Variants in CCDC136 observed in about 807,000 individuals in gnomAD.
CCDC136 encodes coiled-coil domain containing 136, also known as coiled-coil domain-containing protein 136.
Under a neutral mutation model 141.2 loss-of-function variants are expected in CCDC136, and 100 were observed. That is an observed-to-expected ratio of 0.71 (90% CI 0.60 to 0.84). CCDC136 has a LOEUF of 0.84. Ranked by LOEUF, CCDC136 falls within the 40% of genes least tolerant of loss-of-function variation. CCDC136 has a pLI of 0.00. For missense variants in CCDC136, 1,206 were observed against 1,379.4 expected (o/e 0.87, Z 1.99); for synonymous variants, 474 against 531.9 (o/e 0.89, Z 1.50).
intron 17 of CCDC136, among the ~76,000 whole-genome samples, chr7:128,818,735 G>T (rs1807021584): frequency 6.6e-6 from 1 of 152,166 alleles, no homozygotes; most frequent in Non-Finnish European, 1.5e-5. Flanking sequence ...CTGTCAACAG[G>T]ATACCAAATT....
Position 128,805,612 on chromosome 7 carries a change from A to G in CCDC136, c.948+88A>G. 6.6e-7 allele frequency: 1 copy of G among 1,512,656 alleles called. No individual in the cohort carries two copies. Among genetic ancestry groups the G allele is most frequent in the Non-Finnish European group, 9.0e-7 (1 of 1,108,248 alleles). 93.7% of individuals were successfully genotyped at this position (1,512,656 alleles called of 1,614,324 possible). On this transcript the variant is annotated intron_variant, in intron 6 of 17. Transcript: ENST00000297788. The surrounding 1 kb of genome is among the most constrained non-coding windows in gnomAD (Gnocchi z 4.6). ...CTGTGGTAGAAACATCTCCATAGGC[A>G]TCCACTGTGGAGGGAGATAGTACTC...
rs1266095716 is a variant in CCDC136, at chr7:128,812,927, GAGGTAACCACTGTC to G, written c.2763+2_2763+15del. 1.9e-6 allele frequency: 3 copies of G among 1,601,268 alleles called. No homozygotes were observed. In the African/African-American group the frequency reaches 4.0e-5, roughly 21 times the overall value. On this transcript the variant is annotated splice_donor_variant and splice_donor_5th_base_variant and coding_sequence_variant and intron_variant, in exon 14 of 18. Transcript: ENST00000297788. LOFTEE classifies it high-confidence loss of function. The stretch of plus-strand genomic sequence containing the variant: ...CATGGCCCCCCAGAACGACAAGAAT[GAGGTAACCACTGTC>G]AGGGAGGCAGGGTTTCCTCTGGCAG...
At chr7:128,808,728 C>T (rs1805244494) in intron 10 of CCDC136, 1 of 985,408 alleles carries the variant, frequency 1.0e-6, no homozygotes, top group South Asian at 4.7e-5. Flanking sequence ...GCTCACGTTT[C>T]CTCCTTTTTC....
In CCDC136 at chr7:128,808,337, A is replaced by G. The variant is rs73457545; in HGVS notation, c.1605+792A>G. ...CAGGCATGAGCCGCCATGCCCTGCC[A>G]GTAATTAAATTGTGGAAGGTTGAAT... On this transcript the variant is annotated intron_variant, in intron 10 of 17. Transcript: ENST00000297788. 6.2e-3 allele frequency: 2,422 copies of G among 393,694 alleles called. 71 individuals carry two copies. Among genetic ancestry groups the G allele is most frequent in the African/African-American group, 0.05 (2,283 of 45,890 alleles). 24.4% of individuals were successfully genotyped at this position (393,694 alleles called of 1,614,324 possible).
In CCDC136 at chr7:128,814,513, T is replaced by C. The variant is rs945653123; in HGVS notation, c.2764-125T>C. On this transcript the variant is annotated intron_variant, in intron 14 of 17. Coordinates refer to ENST00000297788, the MANE Select transcript of CCDC136 (RefSeq NM_022742.5). ...AATATTTTCTTTATTGTCTACTTCCTATGGGCTTTAACAGGGAGATTTCTG... is the reference window on the plus strand; with the variant it reads ...AATATTTTCTTTATTGTCTACTTCCCATGGGCTTTAACAGGGAGATTTCTG... The C allele has an allele frequency of 1.9e-5, 12 of 640,008 alleles. No homozygotes were observed. In the African/African-American group the frequency reaches 2.0e-4, roughly 11 times the overall value. 39.6% of individuals were successfully genotyped at this position (640,008 alleles called of 1,614,324 possible). A position where few individuals can be genotyped will look rare whatever the true frequency, so the allele number is the denominator to read the frequency against.
At chr7:128,792,877 T>C (rs1802394741) in intron 1 of CCDC136, among the ~76,000 whole-genome samples, 1 of 152,240 alleles carries the variant, frequency 6.6e-6, no homozygotes, top group African/African-American at 2.4e-5. Flanking sequence ...GGATACCTTA[T>C]TGCCTGAAAG....
intron 4 of CCDC136, among the ~76,000 whole-genome samples, chr7:128,803,518 G>A (rs977682807): frequency 2.6e-5 from 4 of 152,248 alleles, no homozygotes; most frequent in East Asian, 1.9e-4. Context: ...CAGGCTTGGT[G>A]GTGTGTGCCT....
At chr7:128,820,626 T>A (rs917555006) in intron 17 of CCDC136, among the ~76,000 whole-genome samples, 1 of 152,186 alleles carries the variant, frequency 6.6e-6, no homozygotes, top group African/African-American at 2.4e-5. Flanking sequence ...AGAGACAGGG[T>A]CTCGCTCTGT....
chr7:128,797,083 A>AATTC (rs963073448), intron 3 of CCDC136, among the ~76,000 whole-genome samples: 2 of 152,138 alleles, frequency 1.3e-5, no homozygotes, highest in African/African-American at 4.8e-5. Context: ...TTTGCTAATG[A>AATTC]ATTCGATCAG....
rs571548528 is a variant in CCDC136 at position 128,821,291 on chromosome 7, A to G, written c.*6-508A>G. On this transcript the variant is annotated intron_variant, in intron 17 of 17. Coordinates refer to ENST00000297788, the MANE Select transcript of CCDC136 (RefSeq NM_022742.5). This position sits in a 1 kb window ranked among gnomAD's most constrained non-coding sequence, Gnocchi z 5.1. ...CCTTGAACCAATGTCATTCTCTGTC[A>G]AAGTTTGTCTGCCTAAGAACCTCCT... 6.6e-6 allele frequency among the ~76,000 whole-genome samples: 1 copy of G among 152,290 alleles called. No homozygotes were observed. The highest frequency in any genetic ancestry group is 2.1e-4 in the South Asian group (1 of 4,824).
chr7:128,806,963 A>G, intron 9 of CCDC136, 105 bp downstream of exon 9: 1 of 1,219,626 alleles, frequency 8.2e-7, no homozygotes, highest in Non-Finnish European at 1.1e-6. Flanking sequence ...AGGAGCTGGC[A>G]GTGAGGGGGC....
At chr7:128,795,502 C>G (rs891551215) in intron 3 of CCDC136, among the ~76,000 whole-genome samples, 5 of 151,886 alleles carry the variant, frequency 3.3e-5, no homozygotes, top group South Asian at 4.2e-4. Context: ...AAAGGAAGGC[C>G]AGGAAGCAGG....
In CCDC136 at chr7:128,805,976, G is replaced by A. The variant is rs1443548451; in HGVS notation, c.1089+75G>A. 1.6e-5 allele frequency: 24 copies of A among 1,546,868 alleles called. No homozygotes were observed. The highest frequency in any genetic ancestry group is 1.7e-5 in the Non-Finnish European group (19 of 1,126,458). On this transcript the variant is annotated intron_variant, in intron 7 of 17. Coordinates refer to ENST00000297788, the MANE Select transcript of CCDC136 (RefSeq NM_022742.5). This position sits in a 1 kb window ranked among gnomAD's most constrained non-coding sequence, Gnocchi z 4.6. Reference sequence around the variant, plus strand: ...GGAGGGGCTGCTTCAACCGGGGTGGGCACAGTGAGTATGGCTGTGCTCTGC... The same window carrying A: ...GGAGGGGCTGCTTCAACCGGGGTGGACACAGTGAGTATGGCTGTGCTCTGC...
chr7:128,812,101 C>T lies in CCDC136; in HGVS notation c.2330C>T (p.Thr777Ile). The T allele has an allele frequency of 1.9e-6, 3 of 1,613,992 alleles. No homozygotes were observed. The highest frequency in any genetic ancestry group is 2.5e-6 in the Non-Finnish European group (3 of 1,179,852). The change falls in exon 13 of 18, where the codon ACC becomes ATC. Residue 777 changes from threonine (T) to isoleucine (I), a missense_variant. By Grantham distance (89) the Thr-to-Ile change is moderately conservative. Coordinates refer to ENST00000297788, the MANE Select transcript of CCDC136 (RefSeq NM_022742.5). ...DDNESYYKSY[T>I]STQTSSKSFL... is the part of the protein sequence containing the mutation. ...AATGAGAGCTATTACAAGAGTTACA[C>T]CAGCACCCAGACCAGCAGCAAGAGC...
At chr7:128,816,294 G>A (rs2128924165) in intron 16 of CCDC136, among the ~76,000 whole-genome samples, 1 of 152,378 alleles carries the variant, frequency 6.6e-6, no homozygotes, top group Middle Eastern at 3.4e-3. Context: ...ACAGTGTGAA[G>A]TCTACTTCAG....
intron 11 of CCDC136, 69 bp from the exon 12 acceptor site, chr7:128,810,070 C>A: frequency 1.1e-6 from 1 of 929,996 alleles, no homozygotes; most frequent in East Asian, 2.6e-5. Flanking sequence ...GGATGAGGCA[C>A]CAAGGAGGCA....
chr7:128,797,247 G>A (rs139578564), intron 3 of CCDC136, among the ~76,000 whole-genome samples: 7 of 152,348 alleles, frequency 4.6e-5, no homozygotes, highest in Non-Finnish European at 8.8e-5. Flanking sequence ...TGAAGTAACT[G>A]TGGACATCCA....
Position 128,794,605 on chromosome 7 carries a change from G to A in CCDC136, c.271+3G>A. 3.9e-6 allele frequency: 6 copies of A among 1,545,496 alleles called. No homozygotes were observed. The highest frequency in any genetic ancestry group is 5.2e-6 in the Non-Finnish European group (6 of 1,143,682). ...GGATGACTCCTTGGAGCTACAGGGT[G>A]AGTGCCTGGGCCAGGGCCCAGTGCC... On this transcript the variant is annotated splice_donor_region_variant and intron_variant, in intron 2 of 17. Transcript: ENST00000297788. This position sits in a 1 kb window ranked among gnomAD's most constrained non-coding sequence, Gnocchi z 4.3.
Position 128,817,730 on chromosome 7 carries a change from G to T in CCDC136, c.3364-28G>T. On this transcript the variant is annotated intron_variant, in intron 16 of 17. Transcript: ENST00000297788. The surrounding 1 kb of genome is among the most constrained non-coding windows in gnomAD (Gnocchi z 4.6). ...CTCACATCTCCTGGTCTCTCCTCGT[G>T]CTTCTTTCTCATTTTGGTGTGTTGC... 6.8e-7 allele frequency: 1 copy of T among 1,476,884 alleles called. No homozygotes were observed. Among genetic ancestry groups the T allele is most frequent in the Non-Finnish European group, 9.5e-7 (1 of 1,055,112 alleles). The allele number at this position is 1,476,884 out of a possible 1,614,324, so 91.5% of individuals were successfully genotyped here. A position where few individuals can be genotyped will look rare whatever the true frequency, so the allele number is the denominator to read the frequency against.
Sources: gnomAD v4.1 joint callset for allele counts (sites outside exome capture counted in the v4.1 genomes callset) on GRCh38, gnomAD v4.1.1 for gene constraint, Gnocchi (gnomAD v3.1) non-coding constraint, MANE v1.5 for transcripts, NCBI Gene and HGNC (gene_info 2026-07-23, HGNC 2026-07-21) for gene names.